Variants in ERG observed in about 807,000 individuals in gnomAD.
The protein encoded by ERG is transcriptional regulator ERG.
A neutral mutation model predicts 55.3 loss-of-function variants in ERG; 9 were observed. The ratio of observed to expected loss-of-function variants is 0.16; its 90% CI spans 0.10 to 0.28. ERG has a LOEUF of 0.28. Ranked by LOEUF, ERG falls within the 10% of genes least tolerant of loss-of-function variation. ERG has a pLI of 1.00. For missense variants in ERG, 434 were observed against 631.6 expected, an observed-to-expected ratio of 0.69 and a Z score of 3.35; for synonymous variants, 223 against 237.3, an observed-to-expected ratio of 0.94 and a Z score of 0.55.
intron 3 of ERG, 117 bp from the exon 4 acceptor site, chr21:38,403,826 G>T: frequency 1.1e-6 from 1 of 934,212 alleles, no homozygotes; most frequent in Non-Finnish European, 1.7e-6. Flanking sequence ...ACAGCCTCCA[G>T]CCAGCCTCCC....
At chr21:38,499,817 G>C (rs7277176), upstream of ERG, among the ~76,000 whole-genome samples, 1 of 141,152 alleles carries the variant, frequency 7.1e-6, no homozygotes, top group Non-Finnish European at 1.5e-5. Context: ...AGAAGAGAGA[G>C]AGAAAGGAAG....
At chr21:38,400,733 G>T in intron 5 of ERG, 88 bp from the exon 6 acceptor site, 1 of 1,007,580 alleles carries the variant, frequency 9.9e-7, no homozygotes, top group Non-Finnish European at 1.5e-6. Flanking sequence ...TTTTCCCTAT[G>T]ACAACAAAGG....
intron 1 of ERG, among the ~76,000 whole-genome samples, chr21:38,473,059 C>T (rs10483044): frequency 0.019 from 2,822 of 151,732 alleles, 103 homozygotes; most frequent in African/African-American, 0.065. Context: ...GACCAGTCCG[C>T]TGCCTTCTGA....
chr21:38,428,597 A>G (rs1446975135), intron 2 of ERG, among the ~76,000 whole-genome samples: 2 of 152,214 alleles, frequency 1.3e-5, no homozygotes, highest in Non-Finnish European at 2.9e-5. Flanking sequence ...ACTTTAAACC[A>G]GAGTAGTGTA....
intron 2 of ERG, among the ~76,000 whole-genome samples, chr21:38,573,535 G>C (rs983640392): frequency 6.6e-6 from 1 of 152,202 alleles, no homozygotes; most frequent in Non-Finnish European, 1.5e-5. Flanking sequence ...TTTGGGTGGA[G>C]AGAAACATAC....
intron 1 of ERG, among the ~76,000 whole-genome samples, chr21:38,622,485 A>C (rs1482342336): frequency 6.6e-6 from 1 of 150,530 alleles, no homozygotes; most frequent in Admixed American, 6.6e-5. Context: ...TGCCACACAC[A>C]CATGCTCATA....
chr21:38,597,780 C>A (rs2060141262), intron 1 of ERG, among the ~76,000 whole-genome samples: 1 of 152,186 alleles, frequency 6.6e-6, no homozygotes, highest in Non-Finnish European at 1.5e-5. Flanking sequence ...CCCACACCAA[C>A]TGGGCAAATT....
intron 1 of ERG, among the ~76,000 whole-genome samples, chr21:38,617,691 C>T (rs979447908): frequency 1.3e-5 from 2 of 152,138 alleles, no homozygotes; most frequent in Non-Finnish European, 2.9e-5. Context: ...CAAGTACTAA[C>T]TCAAGTCACT....
rs577152608 is a variant in ERG, at chr21:38,461,592, C to T, written c.19-15971G>A. 6.6e-5 allele frequency among the ~76,000 whole-genome samples: 10 copies of T among 152,310 alleles called. No homozygotes were observed. In the East Asian group the frequency reaches 1.9e-3, roughly 29 times the overall value. On this transcript the variant is annotated intron_variant, in intron 1 of 9. Transcript: ENST00000288319. ...CGGAGCTCTGTAGGTCAGTCATTCT[C>T]AAAGTGTTGTCCAGGAACCCCCTGG...
At chr21:38,408,737 G>A (rs1988899547) in intron 3 of ERG, among the ~76,000 whole-genome samples, 2 of 152,154 alleles carry the variant, frequency 1.3e-5, no homozygotes, top group East Asian at 3.9e-4. Context: ...AGGAATCAAA[G>A]AAAGGGGCTC....
At chr21:38,622,434 AC>A (rs986544377) in intron 1 of ERG, among the ~76,000 whole-genome samples, 1 of 146,316 alleles carries the variant, frequency 6.8e-6, no homozygotes, top group South Asian at 2.2e-4. Flanking sequence ...ACACACACAC[AC>A]CCCCCACACA....
chr21:38,650,402 G>A (rs2146984833), intron 1 of ERG, among the ~76,000 whole-genome samples: 1 of 151,964 alleles, frequency 6.6e-6, no homozygotes, highest in South Asian at 2.1e-4. Context: ...TTGGGAGGCT[G>A]AGGCAGGAGG....
intron 1 of ERG, among the ~76,000 whole-genome samples, chr21:38,484,597 G>A (rs1389271955): frequency 6.6e-6 from 1 of 152,222 alleles, no homozygotes; most frequent in Non-Finnish European, 1.5e-5. Context: ...TGTCAGTTGA[G>A]CCACCAAATG....
intron 1 of ERG, among the ~76,000 whole-genome samples, chr21:38,621,321 C>G (rs1325274923): frequency 6.6e-6 from 1 of 152,190 alleles, no homozygotes; most frequent in East Asian, 1.9e-4. Flanking sequence ...GCGCACTTTC[C>G]TCTCCAGGAA....
At chr21:38,480,621 T>C (rs552546029) in intron 1 of ERG, among the ~76,000 whole-genome samples, 1 of 126,496 alleles carries the variant, frequency 7.9e-6, no homozygotes. Flanking sequence ...TTTTGCCTTA[T>C]AGAGTTAGGT....
chr21:38,543,865 T>G (rs1488067552), intron 2 of ERG, among the ~76,000 whole-genome samples: 1 of 151,732 alleles, frequency 6.6e-6, no homozygotes, highest in Non-Finnish European at 1.5e-5. Context: ...GCCTCCCAAG[T>G]AGCTGGGACT....
At chr21:38,442,663 T>A (rs1053347691) in intron 2 of ERG, among the ~76,000 whole-genome samples, 3 of 152,082 alleles carry the variant, frequency 2.0e-5, no homozygotes, top group African/African-American at 7.2e-5. Context: ...CCTGTACCCC[T>A]GGGGTCACAA....
intron 2 of ERG, among the ~76,000 whole-genome samples, chr21:38,559,313 G>T (rs1350795100): frequency 6.6e-6 from 1 of 151,154 alleles, no homozygotes; most frequent in Non-Finnish European, 1.5e-5. Context: ...TTCTGAGGGG[G>T]TTCTTTCCAC....
intron 2 of ERG, among the ~76,000 whole-genome samples, chr21:38,518,582 A>G (rs908917015): frequency 6.6e-6 from 1 of 152,138 alleles, no homozygotes; most frequent in Admixed American, 6.6e-5. Context: ...AGAAATCCAC[A>G]TGAGAAACAG....
Sources: gnomAD v4.1 joint callset for allele counts (sites outside exome capture counted in the v4.1 genomes callset) on GRCh38, gnomAD v4.1.1 for gene constraint, MANE v1.5 for transcripts, NCBI Gene and HGNC (gene_info 2026-07-23, HGNC 2026-07-21) for gene names.